Variants in PLEKHA3 observed in about 807,000 individuals in gnomAD.
The protein encoded by PLEKHA3 is pleckstrin homology domain containing A3, also known as pleckstrin homology domain-containing family A member 3.
PLEKHA3 carries 19 observed loss-of-function variants against 39.2 expected under a neutral mutation model. The observed-to-expected ratio is 0.48, with a 90% CI of 0.34 to 0.71. The LOEUF is 0.71. Among genes scored for constraint, PLEKHA3 ranks in the 30% least tolerant of loss-of-function variants. The pLI is 0.01. For synonymous variants in PLEKHA3, 97 were observed against 118.6 expected, an observed-to-expected ratio of 0.82 and a Z score of 1.18; for missense variants, 253 against 359.5, an observed-to-expected ratio of 0.70 and a Z score of 2.40.
intron 5 of PLEKHA3, 141 bp downstream of exon 5, chr2:178,495,801 T>A (rs1685433226): frequency 2.3e-6 from 2 of 871,884 alleles, no homozygotes; most frequent in Non-Finnish European, 3.5e-6. Context: ...TTTTTGTTTG[T>A]ACTGTTTCAT....
chr2:178,505,735 A>G lies in PLEKHA3; in HGVS notation c.*1848A>G, dbSNP rs943461015. On this transcript the variant is annotated 3_prime_UTR_variant, in exon 8 of 8. Coordinates refer to ENST00000234453, the MANE Select transcript of PLEKHA3 (RefSeq NM_019091.4). ...TAGAAAATAATCACATCCATTTTCT[A>G]TTGCTTTACCCAAATAGATGGGTTC... is the stretch of plus-strand genomic sequence containing the variant. 1.3e-5 allele frequency: 2 copies of G among 151,952 alleles called. No homozygotes were observed. The highest frequency in any genetic ancestry group is 2.9e-5 in the Non-Finnish European group (2 of 67,894). The allele number at this position is 151,952 out of a possible 1,614,324, so 9.4% of individuals were successfully genotyped here. A position where few individuals can be genotyped will look rare whatever the true frequency, so the allele number is the denominator to read the frequency against.
In PLEKHA3 at chr2:178,508,455, C is replaced by G. The variant is rs1163396500; in HGVS notation, c.*4568C>G. On this transcript the variant is annotated 3_prime_UTR_variant, in exon 8 of 8. Transcript: ENST00000234453. ...CTCCCCCTCCCCCACCATGTTTCTG[C>G]TTTCTATTTATTTGTTTTGGGCTCT... The G allele has an allele frequency of 6.6e-6, 1 of 152,056 alleles. No homozygotes were observed. The highest frequency in any genetic ancestry group is 1.5e-5 in the Non-Finnish European group (1 of 68,010). 9.4% of individuals were successfully genotyped at this position (152,056 alleles called of 1,614,324 possible).
intron 6 of PLEKHA3, 48 bp downstream of exon 6, chr2:178,499,302 C>T: frequency 2.5e-6 from 4 of 1,581,670 alleles, no homozygotes; most frequent in Non-Finnish European, 3.4e-6. Context: ...TTATATCCAT[C>T]TAGGGAAGTT....
Position 178,515,038 on chromosome 2 carries a change from C to T in PLEKHA3, c.*11151C>T, listed in dbSNP as rs1285707585. 1 of 141,758 alleles carries T rather than the reference C, an allele frequency of 7.1e-6. No individual in the cohort carries two copies. Among genetic ancestry groups the T allele is most frequent in the African/African-American group, 2.8e-5 (1 of 36,096 alleles). The allele number at this position is 141,758 out of a possible 1,614,324, so 8.8% of individuals were successfully genotyped here. A position where few individuals can be genotyped will look rare whatever the true frequency, so the allele number is the denominator to read the frequency against. On this transcript the variant is annotated 3_prime_UTR_variant, in exon 8 of 8. Coordinates refer to ENST00000234453, the MANE Select transcript of PLEKHA3 (RefSeq NM_019091.4). The stretch of plus-strand genomic sequence containing the variant: ...CCAATTTTTGGTCTTATAACATTCT[C>T]TCTCTTTTTTTTTTTTTTTTTTTGT...
At chr2:178,484,379 C>T (rs1329378144) in intron 1 of PLEKHA3, among the ~76,000 whole-genome samples, 1 of 152,210 alleles carries the variant, frequency 6.6e-6, no homozygotes, top group African/African-American at 2.4e-5. Context: ...TCTTTCTGAA[C>T]TGTATTACTG....
At chr2:178,487,771 A>T (rs1336081442) in intron 2 of PLEKHA3, among the ~76,000 whole-genome samples, 2 of 152,146 alleles carry the variant, frequency 1.3e-5, no homozygotes, top group Non-Finnish European at 2.9e-5. Context: ...ATAATGCCAG[A>T]TGTTTTCCAA....
Position 178,513,653 on chromosome 2 carries a change from A to G in PLEKHA3, c.*9766A>G, listed in dbSNP as rs1038530100. The G allele has an allele frequency of 2.0e-5, 3 of 151,910 alleles. No homozygotes were observed. The highest frequency in any genetic ancestry group is 7.2e-5 in the African/African-American group (3 of 41,394). The allele number at this position is 151,910 out of a possible 1,614,324, so 9.4% of individuals were successfully genotyped here. ...GGACAATGCAACTTGGAATCATTTT[A>G]GTTTTCCAATTGATTTTAAAAGTTT... On this transcript the variant is annotated 3_prime_UTR_variant, in exon 8 of 8. Coordinates refer to ENST00000234453, the MANE Select transcript of PLEKHA3 (RefSeq NM_019091.4).
chr2:178,483,626 C>T (rs1685206438), intron 1 of PLEKHA3, among the ~76,000 whole-genome samples: 1 of 152,212 alleles, frequency 6.6e-6, no homozygotes, highest in Admixed American at 6.5e-5. Flanking sequence ...TATAGGCACA[C>T]TAGACCTGGG....
At chr2:178,480,973 G>C in intron 1 of PLEKHA3, 64 bp downstream of exon 1, 1 of 1,282,690 alleles carries the variant, frequency 7.8e-7, no homozygotes, top group Non-Finnish European at 1.0e-6. Context: ...AGGCGGGTCG[G>C]GGCTCCTCTT....
Position 178,499,212 on chromosome 2 carries a change from T to G in PLEKHA3, c.617T>G (p.Met206Arg). The G allele has an allele frequency of 6.2e-7, 1 of 1,607,898 alleles. No individual in the cohort carries two copies. Among genetic ancestry groups the G allele is most frequent in the Non-Finnish European group, 8.5e-7 (1 of 1,177,738 alleles). The change falls in exon 6 of 8, where the codon ATG (methionine) becomes AGG (arginine). Residue 206 changes from methionine to arginine, a missense_variant and splice_region_variant. Around this residue, in one of 2 missense-constraint regions of PLEKHA3, gnomAD observed 127 missense variants for 136.8 expected, o/e 0.93. Coordinates refer to ENST00000234453, the MANE Select transcript of PLEKHA3 (RefSeq NM_019091.4). ...TTTTTTTTTTTCCAAAATTTCTAGA[T>G]GAAGCGTTCTGTCAGCCACCCTGGT... is the stretch of plus-strand genomic sequence containing the variant. Reference protein sequence around the residue: ...SPVSPSPVQMMKRSVSHPGSC... With the variant: ...SPVSPSPVQMRKRSVSHPGSC...
At position 178,480,775 on chromosome 2, in the gene PLEKHA3, G is replaced by T; in HGVS notation, c.-95G>T. 1 of 1,123,140 alleles carries T rather than the reference G, an allele frequency of 8.9e-7. No homozygotes were observed. The highest frequency in any genetic ancestry group is 1.1e-6 in the Non-Finnish European group (1 of 871,854). 69.6% of individuals were successfully genotyped at this position (1,123,140 alleles called of 1,614,324 possible). The stretch of plus-strand genomic sequence containing the variant: ...GGCTTCGTGCCGGCGGAGGGGGCCC[G>T]GGCGGGCCGGGAGGGGCTGCCCCAG... On this transcript the variant is annotated 5_prime_UTR_variant, in exon 1 of 8. Transcript: ENST00000234453.
Position 178,504,841 on chromosome 2 carries a change from T to A in PLEKHA3, c.*954T>A, listed in dbSNP as rs1216752340. ...GTCAAGATGACTGCTCTATATCACT[T>A]GAGAATGGCATTATTTAATTAAAGA... On this transcript the variant is annotated 3_prime_UTR_variant, in exon 8 of 8. Transcript: ENST00000234453. 6.6e-6 allele frequency: 1 copy of A among 152,422 alleles called. No homozygotes were observed. The highest frequency in any genetic ancestry group is 1.5e-5 in the Non-Finnish European group (1 of 67,872). The allele number at this position is 152,422 out of a possible 1,614,324, so 9.4% of individuals were successfully genotyped here. A position where few individuals can be genotyped will look rare whatever the true frequency, so the allele number is the denominator to read the frequency against.
chr2:178,504,036 T>A lies in PLEKHA3; in HGVS notation c.*149T>A, dbSNP rs759551190. The A allele has an allele frequency of 2.6e-6, 2 of 762,148 alleles. No individual in the cohort carries two copies. Among genetic ancestry groups the A allele is most frequent in the Non-Finnish European group, 4.0e-6 (2 of 498,118 alleles). The allele number at this position is 762,148 out of a possible 1,614,324, so 47.2% of individuals were successfully genotyped here. On this transcript the variant is annotated 3_prime_UTR_variant, in exon 8 of 8. Coordinates refer to ENST00000234453, the MANE Select transcript of PLEKHA3 (RefSeq NM_019091.4). ...ACAAACAAGAAAACAAACCACATAC[T>A]TTTGAAGTGTATTTTATCTTTATAT...
At chr2:178,482,532 A>G (rs1002412756) in intron 1 of PLEKHA3, among the ~76,000 whole-genome samples, 6 of 149,278 alleles carry the variant, frequency 4.0e-5, no homozygotes, top group African/African-American at 1.5e-4. Context: ...CAGCCTGGCT[A>G]ACAGAGCGAG....
At chr2:178,491,288 G>T (rs1017012300) in intron 3 of PLEKHA3, among the ~76,000 whole-genome samples, 6 of 152,210 alleles carry the variant, frequency 3.9e-5, no homozygotes, top group Admixed American at 2.6e-4. Context: ...TGGGATTACA[G>T]GCATGAGCCA....
chr2:178,486,939 G>A (rs908166687), intron 2 of PLEKHA3, among the ~76,000 whole-genome samples: 3 of 152,218 alleles, frequency 2.0e-5, no homozygotes, highest in Admixed American at 1.3e-4. Flanking sequence ...TTTAATAGAT[G>A]TTAAAGAAAA....
At chr2:178,491,973 T>A (rs1685354533) in intron 3 of PLEKHA3, among the ~76,000 whole-genome samples, 1 of 152,172 alleles carries the variant, frequency 6.6e-6, no homozygotes, top group African/African-American at 2.4e-5. Context: ...ACTCACTCAC[T>A]CCTTTGACGA....
rs1295858261 is a variant in PLEKHA3, at chr2:178,507,014, A to T, written c.*3127A>T. The T allele has an allele frequency of 1.3e-5, 2 of 152,040 alleles. No homozygotes were observed. Among genetic ancestry groups the T allele is most frequent in the Non-Finnish European group, 2.9e-5 (2 of 68,004 alleles). The allele number at this position is 152,040 out of a possible 1,614,324, so 9.4% of individuals were successfully genotyped here. ...TAGTTAATGTACATAGTTTGAAAAA[A>T]TCAAATAGAACTAAAAGGTTTATAG... On this transcript the variant is annotated 3_prime_UTR_variant, in exon 8 of 8. Coordinates refer to ENST00000234453, the MANE Select transcript of PLEKHA3 (RefSeq NM_019091.4).
chr2:178,514,980 A>G lies in PLEKHA3; in HGVS notation c.*11093A>G, dbSNP rs1399048836. 6.6e-6 allele frequency: 1 copy of G among 151,250 alleles called. No individual in the cohort carries two copies. Among genetic ancestry groups the G allele is most frequent in the Non-Finnish European group, 1.5e-5 (1 of 67,890 alleles). 9.4% of individuals were successfully genotyped at this position (151,250 alleles called of 1,614,324 possible). On this transcript the variant is annotated 3_prime_UTR_variant, in exon 8 of 8. Transcript: ENST00000234453. The stretch of plus-strand genomic sequence containing the variant: ...TGTTCACGCAGGGTCCTTGAAGGTG[A>G]CTTGAGTGAGGAAGCTATATACCGA...
Sources: gnomAD v4.1 joint callset for allele counts (sites outside exome capture counted in the v4.1 genomes callset) on GRCh38, gnomAD v4.1.1 for gene constraint, gnomAD v4.1.1 regional missense constraint, MANE v1.5 for transcripts, NCBI Gene and HGNC (gene_info 2026-07-23, HGNC 2026-07-21) for gene names.